Variants in JAKMIP2 observed in about 807,000 individuals in gnomAD.
JAKMIP2 encodes the protein janus kinase and microtubule interacting protein 2.
A neutral mutation model predicts 115.0 loss-of-function variants in JAKMIP2; 25 were observed. The ratio of observed to expected loss-of-function variants is 0.22; its 90% CI spans 0.16 to 0.30. The LOEUF (loss-of-function observed/expected upper bound fraction) is 0.30. JAKMIP2 is among the 10% of genes least tolerant of loss of function. JAKMIP2 has a pLI of 1.00. For synonymous variants in JAKMIP2, 334 were observed against 343.6 expected (o/e 0.97, Z 0.31); for missense variants, 642 against 957.6 (o/e 0.67, Z 4.35).
chr5:147,720,183 C>G (rs1032857270), intron 1 of JAKMIP2, among the ~76,000 whole-genome samples: 2 of 152,206 alleles, frequency 1.3e-5, no homozygotes, highest in Non-Finnish European at 2.9e-5. Context: ...GGCCCCCACT[C>G]TCTTCTGGCT....
chr5:147,620,748 A>G lies in JAKMIP2; in HGVS notation c.2065-5T>C. 6.2e-7 allele frequency: 1 copy of G among 1,608,530 alleles called. No individual in the cohort carries two copies. Among genetic ancestry groups the G allele is most frequent in the East Asian group, 2.2e-5 (1 of 44,748 alleles). ...TTTTATTTTGCAGAACTGTTCCTAT[A>G]ACAAAGGGCCATATTGATAGAGTCA... On this transcript the variant is annotated splice_polypyrimidine_tract_variant and splice_region_variant and intron_variant, in intron 17 of 21. Coordinates refer to ENST00000616793, the MANE Select transcript of JAKMIP2 (RefSeq NM_001270941.2).
intron 1 of JAKMIP2, among the ~76,000 whole-genome samples, chr5:147,747,043 C>A (rs1754370111): frequency 6.6e-6 from 1 of 152,170 alleles, no homozygotes; most frequent in Non-Finnish European, 1.5e-5. Flanking sequence ...TACTGATGAT[C>A]AGGTAAGCTC....
At chr5:147,601,420 G>C (rs895023382) in intron 21 of JAKMIP2, among the ~76,000 whole-genome samples, 2 of 151,978 alleles carry the variant, frequency 1.3e-5, no homozygotes, top group Admixed American at 6.6e-5. Flanking sequence ...GTGAGACCTT[G>C]TCTCTACTAA....
chr5:147,641,936 A>G (rs1757898895), intron 7 of JAKMIP2, among the ~76,000 whole-genome samples, 172 bp from the exon 8 acceptor site: 1 of 152,186 alleles, frequency 6.6e-6, no homozygotes, highest in South Asian at 2.1e-4. Context: ...ATTCAAAACA[A>G]GAATCTTCTA....
rs538334050 is a variant in JAKMIP2, at chr5:147,738,898, G to T, written c.-149+43558C>A. On this transcript the variant is annotated intron_variant, in intron 1 of 21. Transcript: ENST00000616793. ...GATATAACAGATGCTGTAAATCAAA[G>T]AAAGAAACTGGATTAAAATGTTTTG... is the stretch of plus-strand genomic sequence containing the variant. 1.4e-4 allele frequency among the ~76,000 whole-genome samples: 22 copies of T among 152,236 alleles called. 2 individuals carry two copies. The highest frequency in any genetic ancestry group is 1.2e-3 in the Admixed American group (19 of 15,292).
At chr5:147,662,660 C>T (rs1214170527) in intron 2 of JAKMIP2, among the ~76,000 whole-genome samples, 1 of 151,970 alleles carries the variant, frequency 6.6e-6, no homozygotes, top group Non-Finnish European at 1.5e-5. Context: ...ACACAACCCC[C>T]GCATGCACAC....
chr5:147,694,010 T>C (rs1198979627), intron 1 of JAKMIP2, among the ~76,000 whole-genome samples: 2 of 152,208 alleles, frequency 1.3e-5, no homozygotes, highest in Non-Finnish European at 2.9e-5. Flanking sequence ...ACTGGATTAA[T>C]AGCTTCTCTT....
At chr5:147,749,626 C>A (rs957261245) in intron 1 of JAKMIP2, among the ~76,000 whole-genome samples, 1 of 152,228 alleles carries the variant, frequency 6.6e-6, no homozygotes, top group South Asian at 2.1e-4. Context: ...CCCTATACAC[C>A]ATCGCCTACC....
intron 1 of JAKMIP2, among the ~76,000 whole-genome samples, chr5:147,687,075 G>A (rs954589433): frequency 1.3e-5 from 2 of 151,982 alleles, no homozygotes; most frequent in African/African-American, 4.8e-5. Flanking sequence ...TAATATTCTA[G>A]ATCATCATAG....
intron 2 of JAKMIP2, among the ~76,000 whole-genome samples, chr5:147,670,406 CT>C (rs1246935867): frequency 6.6e-6 from 1 of 152,134 alleles, no homozygotes; most frequent in Non-Finnish European, 1.5e-5. Context: ...CAACTTTATG[CT>C]GTCATGGTGG....
At chr5:147,673,291 C>A (rs976106781) in intron 1 of JAKMIP2, among the ~76,000 whole-genome samples, 3 of 152,146 alleles carry the variant, frequency 2.0e-5, no homozygotes, top group Admixed American at 1.3e-4. Flanking sequence ...ATGACAAGAT[C>A]CTAGAGAAAG....
At chr5:147,652,240 T>A (rs1167492364) in intron 3 of JAKMIP2, among the ~76,000 whole-genome samples, 1 of 152,140 alleles carries the variant, frequency 6.6e-6, no homozygotes, top group Non-Finnish European at 1.5e-5. Context: ...GTCTAGTAAG[T>A]TGTGAAGCCG....
intron 19 of JAKMIP2, among the ~76,000 whole-genome samples, chr5:147,613,223 G>GT (rs1561847448): frequency 1.3e-5 from 2 of 152,068 alleles, no homozygotes; most frequent in Non-Finnish European, 2.9e-5. Context: ...CAATCTGAAG[G>GT]TTTTTTTGTG....
chr5:147,652,646 T>G (rs1758461867), intron 3 of JAKMIP2, among the ~76,000 whole-genome samples: 1 of 152,236 alleles, frequency 6.6e-6, no homozygotes, highest in Admixed American at 6.5e-5. Context: ...TCTGTGTTCA[T>G]GCAGTTTGTG....
At chr5:147,741,755 T>C (rs1754148006) in intron 1 of JAKMIP2, among the ~76,000 whole-genome samples, 1 of 152,160 alleles carries the variant, frequency 6.6e-6, no homozygotes, top group Non-Finnish European at 1.5e-5. Flanking sequence ...AAGTATTGAA[T>C]TAATGCTACT....
At chr5:147,662,391 C>A (rs1759051444) in intron 2 of JAKMIP2, among the ~76,000 whole-genome samples, 1 of 152,156 alleles carries the variant, frequency 6.6e-6, no homozygotes, top group African/African-American at 2.4e-5. Context: ...CTTTTTACCT[C>A]TCAGGAATTC....
At chr5:147,605,371 G>A (rs568072455) in intron 20 of JAKMIP2, among the ~76,000 whole-genome samples, 52 of 151,906 alleles carry the variant, frequency 3.4e-4, no homozygotes, top group African/African-American at 1.2e-3. Context: ...CACCTCACCC[G>A]GCTAATTTTT....
rs1235770498 is a variant in JAKMIP2, at chr5:147,641,724, C to A, written c.1265G>T (p.Ser422Ile). 3 of 1,613,000 alleles carry A rather than the reference C, an allele frequency of 1.9e-6. No individual in the cohort carries two copies. The highest frequency in any genetic ancestry group is 4.5e-5 in the East Asian group (2 of 44,846). The change falls in exon 8 of 22, where the codon AGT (serine) becomes ATT (isoleucine). Residue 422 changes from serine (S) to isoleucine (I), a missense_variant. Ser to Ile is a moderately radical substitution (Grantham distance 142). This residue lies in a region of JAKMIP2 where 439 missense variants were observed against 570.9 expected (regional missense o/e 0.77). Transcript: ENST00000616793. ...TCTTATTACCTTAATTGGCTTGGAA[C>A]TTCTTCTATGCTTTCTTCTACGGAT... ...KLIRRRKHRRSSKPIKRPVLD... is the reference protein window; with the variant it reads ...KLIRRRKHRRISKPIKRPVLD...
chr5:147,635,852 T>G (rs1174716015), intron 12 of JAKMIP2, among the ~76,000 whole-genome samples: 1 of 152,226 alleles, frequency 6.6e-6, no homozygotes, highest in Non-Finnish European at 1.5e-5. Context: ...TGAGCCACTG[T>G]GCCTGGCCCT....
Sources: gnomAD v4.1 joint callset for allele counts (sites outside exome capture counted in the v4.1 genomes callset) on GRCh38, gnomAD v4.1.1 for gene constraint, gnomAD v4.1.1 regional missense constraint, MANE v1.5 for transcripts, NCBI Gene and HGNC (gene_info 2026-07-23, HGNC 2026-07-21) for gene names.